ARHGEF1: variants seen among roughly 807,000 people sequenced by gnomAD.
ARHGEF1 encodes Rho guanine nucleotide exchange factor 1, also known as 115 kDa guanine nucleotide exchange factor.
Under a neutral mutation model 119.7 loss-of-function variants are expected in ARHGEF1, and 40 were observed. The observed-to-expected ratio is 0.33, with a 90% CI of 0.26 to 0.44. ARHGEF1 has a LOEUF of 0.44. ARHGEF1 is among the 20% of genes least tolerant of loss of function. ARHGEF1 has a pLI of 1.00. For missense variants in ARHGEF1, 976 were observed against 1,268.3 expected (o/e 0.77, Z 3.50); for synonymous variants, 494 against 521.0 (o/e 0.95, Z 0.71).
rs1555845763 is a variant in ARHGEF1, at chr19:41,888,953, G to A, written c.225+88G>A. ...AATTAAACCAGCGAGCTAGTGCCTG[G>A]AGGGTCTGGAAAAGCAGATCTAGAA... is the stretch of plus-strand genomic sequence containing the variant. On this transcript the variant is annotated intron_variant, in intron 4 of 28. Coordinates refer to ENST00000354532, the MANE Select transcript of ARHGEF1 (RefSeq NM_004706.4). This position sits in a 1 kb window ranked among gnomAD's most constrained non-coding sequence, Gnocchi z 5.1. The A allele has an allele frequency of 2.7e-6, 3 of 1,112,718 alleles. No individual in the cohort carries two copies. Among genetic ancestry groups the A allele is most frequent in the Non-Finnish European group, 3.9e-6 (3 of 775,914 alleles). 68.9% of individuals were successfully genotyped at this position (1,112,718 alleles called of 1,614,324 possible).
chr19:41,892,149 C>A lies in ARHGEF1; in HGVS notation c.324+26C>A. On this transcript the variant is annotated intron_variant, in intron 5 of 28. Transcript: ENST00000354532. The surrounding 1 kb of genome is among the most constrained non-coding windows in gnomAD (Gnocchi z 6.3). ...GTGAGAGACCTTCAAGCTGCCCCAA[C>A]CCTGCAATCCCTGTTTGGGCCTGCA... The A allele has an allele frequency of 6.3e-7, 1 of 1,598,142 alleles. No homozygotes were observed. Among genetic ancestry groups the A allele is most frequent in the Non-Finnish European group, 8.6e-7 (1 of 1,168,200 alleles).
chr19:41,928,760 G>T (rs2074888001), intron 1 of ARHGEF1: 1 of 360,944 alleles, frequency 2.8e-6, no homozygotes, highest in East Asian at 7.6e-5. Flanking sequence ...GGTGGGGCGG[G>T]GGTGGGTGGA....
At position 41,902,908 on chromosome 19, in the gene ARHGEF1, G is replaced by T; in HGVS notation, c.1738+10G>T. The T allele has an allele frequency of 1.3e-6, 2 of 1,563,788 alleles. No individual in the cohort carries two copies. Among genetic ancestry groups the T allele is most frequent in the Non-Finnish European group, 1.7e-6 (2 of 1,157,412 alleles). On this transcript the variant is annotated intron_variant, in intron 18 of 28. Coordinates refer to ENST00000354532, the MANE Select transcript of ARHGEF1 (RefSeq NM_004706.4). The surrounding 1 kb of genome is among the most constrained non-coding windows in gnomAD (Gnocchi z 6.5). ...ATCGGGCAGAACACAGGTACCGCGG[G>T]CCTGGATCTCTGGGCCTCGGCTCTC...
At chr19:41,907,471 CGGG>C (rs1568827803), downstream of ARHGEF1, 1 of 1,442,274 alleles carries the variant, frequency 6.9e-7, no homozygotes, top group African/African-American at 1.4e-5. Flanking sequence ...TGTGTGATGG[CGGG>C]GTGGGGCCTG....
At chr19:41,895,515 G>A (rs376178710) in intron 12 of ARHGEF1, 29 bp downstream of exon 12, 32 of 1,563,502 alleles carry the variant, frequency 2.0e-5, no homozygotes, top group Non-Finnish European at 1.0e-5. Context: ...AGGGCTCCAT[G>A]AGGCCCGGCG....
At chr19:41,885,554 C>T (rs1221158406) in intron 1 of ARHGEF1, among the ~76,000 whole-genome samples, 8 of 151,006 alleles carry the variant, frequency 5.3e-5, no homozygotes, top group Admixed American at 3.9e-4. Context: ...CTCCGCCTCC[C>T]GGATTCAAGC....
downstream of ARHGEF1, chr19:41,909,216 T>C: frequency 8.1e-7 from 1 of 1,230,218 alleles, no homozygotes; most frequent in Non-Finnish European, 1.0e-6. This position sits in a 1 kb window ranked among gnomAD's most constrained non-coding sequence, Gnocchi z 5.2. Context: ...TCTCAGACTG[T>C]CCCCTCCCCA....
At chr19:41,912,872 C>G (rs1342040218) in intron 18 of ARHGEF1, 1 of 1,230,214 alleles carries the variant, frequency 8.1e-7, no homozygotes, top group African/African-American at 1.6e-5. Flanking sequence ...AGAGAGCCGG[C>G]AGGGCGGGCG....
At chr19:41,909,722 A>C, downstream of ARHGEF1, 1 of 1,017,792 alleles carries the variant, frequency 9.8e-7, no homozygotes. The surrounding 1 kb of genome is among the most constrained non-coding windows in gnomAD (Gnocchi z 5.2). Context: ...TTCCACTCAC[A>C]AGTAGCGATG....
At chr19:41,899,505 CT>C (rs575816890) in intron 14 of ARHGEF1, among the ~76,000 whole-genome samples, 15,578 of 101,720 alleles carry the variant, frequency 0.15, 3,695 homozygotes, top group African/African-American at 0.59. Context: ...AAAGAGAAAG[CT>C]TTTTTTTTTT....
rs371179857 is a variant in ARHGEF1 at position 41,889,039 on chromosome 19, G to A, written c.225+174G>A. The A allele has an allele frequency of 5.2e-5, 32 of 612,674 alleles. No homozygotes were observed. In the Middle Eastern group the frequency reaches 1.4e-3, roughly 26 times the overall value. The allele number at this position is 612,674 out of a possible 1,614,324, so 38.0% of individuals were successfully genotyped here. Reference sequence around the variant, plus strand: ...AGACAAGAGCCAGAAAGCATGCCACGTGACCTCAACAGGCTTACAAGTGCC... The same window carrying A: ...AGACAAGAGCCAGAAAGCATGCCACATGACCTCAACAGGCTTACAAGTGCC... On this transcript the variant is annotated intron_variant, in intron 4 of 28. Transcript: ENST00000354532. The surrounding 1 kb of genome is among the most constrained non-coding windows in gnomAD (Gnocchi z 4.0).
upstream of ARHGEF1, among the ~76,000 whole-genome samples, chr19:41,919,710 G>A (rs992959948): frequency 2.0e-5 from 3 of 152,050 alleles, no homozygotes; most frequent in African/African-American, 4.8e-5. Flanking sequence ...CCCAGCTGCC[G>A]GGGTCCTCTC....
In ARHGEF1 at chr19:41,903,873, C is replaced by T; in HGVS notation, c.1917+89C>T. On this transcript the variant is annotated intron_variant, in intron 20 of 28. Transcript: ENST00000354532. The surrounding 1 kb of genome is among the most constrained non-coding windows in gnomAD (Gnocchi z 4.2). ...CAGCCCCCAGCCTGTCCTGCCCATC[C>T]CATAATACACCCAGGAAGCGAGAGC... 1.4e-5 allele frequency: 20 copies of T among 1,432,970 alleles called. No individual in the cohort carries two copies. Among genetic ancestry groups the T allele is most frequent in the Non-Finnish European group, 2.0e-5 (20 of 1,022,338 alleles). The allele number at this position is 1,432,970 out of a possible 1,614,324, so 88.8% of individuals were successfully genotyped here. A position where few individuals can be genotyped will look rare whatever the true frequency, so the allele number is the denominator to read the frequency against.
At position 41,915,804 on chromosome 19, in the gene ARHGEF1, T is replaced by C. The variant is rs539912435; in HGVS notation, c.1866-7288T>C. On this transcript the variant is annotated intron_variant, in intron 18 of 20. Coordinates refer to the ARHGEF1 transcript ENST00000599589. ...CTGGCCCCATTGATCGCTGATCGAC[T>C]GATGGAGGGAGCGCGGCCTGCGGGG... Among the ~76,000 whole-genome samples the C allele has an allele frequency of 1.1e-3, 170 of 152,234 alleles. 1 individual carries two copies. Among genetic ancestry groups the C allele is most frequent in the African/African-American group, 3.6e-3 (151 of 41,558 alleles).
chr19:41,905,521 GTGCA>G lies in ARHGEF1; in HGVS notation c.2337-232_2337-229del, dbSNP rs1711830221. 1 of 613,568 alleles carries G rather than the reference GTGCA, an allele frequency of 1.6e-6. No individual in the cohort carries two copies. The highest frequency in any genetic ancestry group is 2.9e-6 in the Non-Finnish European group (1 of 348,324). 38.0% of individuals were successfully genotyped at this position (613,568 alleles called of 1,614,324 possible). On this transcript the variant is annotated intron_variant, in intron 24 of 28. Coordinates refer to ENST00000354532, the MANE Select transcript of ARHGEF1 (RefSeq NM_004706.4). This position sits in a 1 kb window ranked among gnomAD's most constrained non-coding sequence, Gnocchi z 6.4. ...TATGTGTGCATGCGTGTGACAGCAT[GTGCA>G]TGCATGTGTGTGTGTGTGCGCATGT...
intron 13 of ARHGEF1, chr19:41,897,285 A>G: frequency 7.8e-7 from 1 of 1,277,136 alleles, no homozygotes; most frequent in Non-Finnish European, 1.0e-6. Context: ...ATCTGGGCCC[A>G]CCTCTGACCC....
At chr19:41,910,276 A>G (rs1440439905), downstream of ARHGEF1, among the ~76,000 whole-genome samples, 1 of 152,050 alleles carries the variant, frequency 6.6e-6, no homozygotes, top group Non-Finnish European at 1.5e-5. The surrounding 1 kb of genome is among the most constrained non-coding windows in gnomAD (Gnocchi z 4.4). Flanking sequence ...AATTACCCAA[A>G]TAAGGGCAAG....
In ARHGEF1 at chr19:41,916,559, CAT is replaced by C. The variant is rs780981669; in HGVS notation, c.1866-6531_1866-6530del. ...AAATCCTAGACACACTGTGTAAACA[CAT>C]AATCACACACTGAGGCTCACAATCA... On this transcript the variant is annotated intron_variant, in intron 18 of 20. Transcript: ENST00000599589. The surrounding 1 kb of genome is among the most constrained non-coding windows in gnomAD (Gnocchi z 5.4). Among the ~76,000 whole-genome samples the C allele has an allele frequency of 4.2e-3, 638 of 152,246 alleles. 22 individuals carry two copies. Among genetic ancestry groups the C allele is most frequent in the Non-Finnish European group, 8.5e-4 (58 of 68,020 alleles).
intron 1 of ARHGEF1, among the ~76,000 whole-genome samples, chr19:41,887,562 T>G (rs1159243559): frequency 6.6e-6 from 1 of 152,072 alleles, no homozygotes; most frequent in African/African-American, 2.4e-5. Flanking sequence ...CCATTGTGAC[T>G]TCCTGTCACA....
Sources: gnomAD v4.1 joint callset for allele counts (sites outside exome capture counted in the v4.1 genomes callset) on GRCh38, gnomAD v4.1.1 for gene constraint, Gnocchi (gnomAD v3.1) non-coding constraint, MANE v1.5 for transcripts, NCBI Gene and HGNC (gene_info 2026-07-23, HGNC 2026-07-21) for gene names.